The following SKA2 variants were observed in gnomAD, a reference collection of about 807,000 sequenced individuals.
The protein encoded by SKA2 is spindle and kinetochore associated complex subunit 2.
SKA2 carries 13 observed loss-of-function variants against 16.9 expected under a neutral mutation model. The ratio of observed to expected loss-of-function variants is 0.77; its 90% CI spans 0.50 to 1.22. The LOEUF is 1.22. Ranked by LOEUF, SKA2 falls within the 50% of genes most tolerant of loss-of-function variation. The probability of loss-of-function intolerance (pLI) is 0.00; values close to 1 mark genes in which losing one functional copy is unlikely to be tolerated. For synonymous variants in SKA2, 47 were observed against 48.5 expected (o/e 0.97, Z 0.13); for missense variants, 107 against 139.7 (o/e 0.77, Z 1.18).
At chr17:59,113,087 G>A (rs2046274073) in intron 3 of SKA2, among the ~76,000 whole-genome samples, 1 of 151,894 alleles carries the variant, frequency 6.6e-6, no homozygotes, top group African/African-American at 2.4e-5. Context: ...GCTGGGCATG[G>A]TGGCGCACAC....
intron 1 of SKA2, among the ~76,000 whole-genome samples, chr17:59,135,866 A>C (rs1050247174): frequency 6.7e-6 from 1 of 149,674 alleles, no homozygotes; most frequent in East Asian, 1.9e-4. Flanking sequence ...AATAATTTTT[A>C]AAATATTTTT....
intron 2 of SKA2, among the ~76,000 whole-genome samples, chr17:59,121,751 C>T (rs183352252): frequency 1.5e-4 from 21 of 136,234 alleles, no homozygotes; most frequent in African/African-American, 5.7e-4. Context: ...GAGTTCGAGA[C>T]CAGCCTGGCC....
chr17:59,129,395 A>ACACACT (rs1330053175), intron 2 of SKA2: 1 of 152,536 alleles, frequency 6.6e-6, no homozygotes, highest in East Asian at 1.9e-4. Flanking sequence ...ACACACACAC[A>ACACACT]CGGTCTTTAA....
At chr17:59,140,244 T>C (rs2046477608) in intron 1 of SKA2, among the ~76,000 whole-genome samples, 2 of 152,106 alleles carry the variant, frequency 1.3e-5, no homozygotes, top group South Asian at 4.1e-4. Flanking sequence ...TTTTTTTTTT[T>C]TTGAGATGAA....
chr17:59,152,361 A>G (rs949265780), intron 1 of SKA2, among the ~76,000 whole-genome samples: 1 of 152,192 alleles, frequency 6.6e-6, no homozygotes, highest in African/African-American at 2.4e-5. Flanking sequence ...ATGGGCTCAT[A>G]CAAAGGACAG....
chr17:59,142,112 G>A (rs1404190653), intron 1 of SKA2, among the ~76,000 whole-genome samples: 2 of 152,156 alleles, frequency 1.3e-5, no homozygotes, highest in Non-Finnish European at 2.9e-5. Context: ...CCATCATGAA[G>A]TCATGACAAA....
In SKA2 at chr17:59,109,918, T is replaced by C. The variant is rs1226458847; in HGVS notation, c.*2359A>G. On this transcript the variant is annotated 3_prime_UTR_variant, in exon 4 of 4. Coordinates refer to ENST00000330137, the MANE Select transcript of SKA2 (RefSeq NM_182620.4). ...ACAAAAGATCTAAATTAAGGAGGTG[T>C]GAAGATAATGTAGAGGTTGTATACT... 6.6e-6 allele frequency: 1 copy of C among 152,122 alleles called. No homozygotes were observed. The highest frequency in any genetic ancestry group is 1.9e-4 in the East Asian group (1 of 5,190). The allele number at this position is 152,122 out of a possible 1,614,324, so 9.4% of individuals were successfully genotyped here. A position where few individuals can be genotyped will look rare whatever the true frequency, so the allele number is the denominator to read the frequency against.
chr17:59,120,440 A>G (rs1353938003), intron 2 of SKA2, among the ~76,000 whole-genome samples: 1 of 150,088 alleles, frequency 6.7e-6, no homozygotes, highest in East Asian at 2.0e-4. Flanking sequence ...AGATACAGGA[A>G]TCTCACTGTG....
intron 2 of SKA2, among the ~76,000 whole-genome samples, chr17:59,130,796 A>T (rs751825174): frequency 6.6e-6 from 1 of 152,216 alleles, no homozygotes; most frequent in South Asian, 2.1e-4. Context: ...TAATGATTTT[A>T]TGACATAAAG....
intron 1 of SKA2, among the ~76,000 whole-genome samples, chr17:59,143,939 T>C (rs997828048): frequency 6.6e-6 from 1 of 152,016 alleles, no homozygotes. Context: ...GGGCGGATCA[T>C]GATGTCAAGA....
At chr17:59,141,117 G>A (rs1042063270) in intron 1 of SKA2, among the ~76,000 whole-genome samples, 6 of 151,896 alleles carry the variant, frequency 4.0e-5, no homozygotes, top group Admixed American at 2.0e-4. Context: ...TATGTAATTC[G>A]GCTGGGCACA....
intron 3 of SKA2, among the ~76,000 whole-genome samples, chr17:59,116,288 GC>G (rs1248484927): frequency 6.6e-6 from 1 of 152,184 alleles, no homozygotes; most frequent in East Asian, 1.9e-4. Flanking sequence ...CAGGAGAATT[GC>G]TTGAATCCAG....
chr17:59,137,874 T>A (rs765787769), intron 1 of SKA2: 5 of 489,788 alleles, frequency 1.0e-5, no homozygotes, highest in South Asian at 8.0e-5. Flanking sequence ...ATAAACAGAA[T>A]TTTTTTTAGT....
At chr17:59,121,151 CA>C (rs71145525) in intron 2 of SKA2, among the ~76,000 whole-genome samples, 87 of 99,674 alleles carry the variant, frequency 8.7e-4, no homozygotes, top group Admixed American at 1.3e-3. Flanking sequence ...GACTCCGTCT[CA>C]AAAAAAAAAA....
intron 1 of SKA2, among the ~76,000 whole-genome samples, chr17:59,135,285 G>A (rs1453349160): frequency 6.7e-6 from 1 of 149,092 alleles, no homozygotes. Context: ...TCTAATCAAT[G>A]GTATGATGAA....
chr17:59,148,936 A>C (rs2046556115), intron 1 of SKA2, among the ~76,000 whole-genome samples: 1 of 152,182 alleles, frequency 6.6e-6, no homozygotes, highest in South Asian at 2.1e-4. Context: ...AAGGAAGTGC[A>C]AATTGAAACT....
At chr17:59,148,275 T>C (rs1314776475) in intron 1 of SKA2, among the ~76,000 whole-genome samples, 1 of 152,112 alleles carries the variant, frequency 6.6e-6, no homozygotes, top group Non-Finnish European at 1.5e-5. Flanking sequence ...GGCTCGATAT[T>C]GCTAACATAA....
In SKA2 at chr17:59,110,826, G is replaced by A. The variant is rs956213805; in HGVS notation, c.*1451C>T. The stretch of plus-strand genomic sequence containing the variant: ...AAAAAAAAAAAGGCTTTCTGTTCTT[G>A]AAATATTCAAACTAGACAGGACAAT... On this transcript the variant is annotated 3_prime_UTR_variant, in exon 4 of 4. Coordinates refer to ENST00000330137, the MANE Select transcript of SKA2 (RefSeq NM_182620.4). The A allele has an allele frequency of 5.5e-5, 8 of 144,646 alleles. No homozygotes were observed. The highest frequency in any genetic ancestry group is 5.5e-4 in the Admixed American group (8 of 14,468). 9.0% of individuals were successfully genotyped at this position (144,646 alleles called of 1,614,324 possible). A position where few individuals can be genotyped will look rare whatever the true frequency, so the allele number is the denominator to read the frequency against.
At chr17:59,121,996 C>T (rs1254497520) in intron 2 of SKA2, among the ~76,000 whole-genome samples, 1 of 150,348 alleles carries the variant, frequency 6.7e-6, no homozygotes, top group Non-Finnish European at 1.5e-5. Flanking sequence ...CCCAGAAAGA[C>T]AGCAATTCAA....
Sources: allele counts gnomAD v4.1 joint callset (sites outside exome capture counted in the v4.1 genomes callset), GRCh38; gene constraint gnomAD v4.1.1; transcripts MANE v1.5; gene names NCBI Gene and HGNC (gene_info 2026-07-23, HGNC 2026-07-21).